Variants in B4GALT6 observed in about 807,000 individuals in gnomAD.
The protein encoded by B4GALT6 is beta-1,4-galactosyltransferase 6, also known as UDP-Gal:beta-GlcNAc beta-1,4-galactosyltransferase 6.
Under a neutral mutation model 46.3 loss-of-function variants are expected in B4GALT6, and 14 were observed. The observed-to-expected ratio is 0.30, with a 90% CI of 0.20 to 0.47. The LOEUF is 0.47. Among genes scored for constraint, B4GALT6 ranks in the 20% least tolerant of loss-of-function variants. The probability of loss-of-function intolerance (pLI) is 0.99; values close to 1 mark genes in which losing one functional copy is unlikely to be tolerated. For missense variants in B4GALT6, 386 were observed against 480.1 expected (o/e 0.80, Z 1.83); for synonymous variants, 168 against 162.0 (o/e 1.04, Z -0.28).
Position 31,666,239 on chromosome 18 carries a change from GC to G in B4GALT6, c.232+16del. Reference sequence around the variant, plus strand: ...CTGCTTTGTAACTACAAGGGGTTAAGCAGGAAGTAGTCTTACCTGTACCGTT... The same window carrying G: ...CTGCTTTGTAACTACAAGGGGTTAAGAGGAAGTAGTCTTACCTGTACCGTT... On this transcript the variant is annotated intron_variant, in intron 2 of 8. Transcript: ENST00000306851. 7.0e-7 allele frequency: 1 copy of G among 1,424,928 alleles called. No homozygotes were observed. Among genetic ancestry groups the G allele is most frequent in the South Asian group, 1.3e-5 (1 of 77,046 alleles). 88.3% of individuals were successfully genotyped at this position (1,424,928 alleles called of 1,614,324 possible). A position where few individuals can be genotyped will look rare whatever the true frequency, so the allele number is the denominator to read the frequency against.
At chr18:31,639,853 T>A (rs984778058) in intron 4 of B4GALT6, among the ~76,000 whole-genome samples, 1 of 152,198 alleles carries the variant, frequency 6.6e-6, no homozygotes, top group African/African-American at 2.4e-5. Flanking sequence ...AATAAATGAA[T>A]GATCATCAAT....
chr18:31,702,227 T>C, the B4GALT6 span, among the ~76,000 whole-genome samples: 1 of 152,240 alleles, frequency 6.6e-6, no homozygotes, highest in Non-Finnish European at 1.5e-5. Flanking sequence ...TGTCAGTACT[T>C]ATTAATGTTT....
intron 4 of B4GALT6, among the ~76,000 whole-genome samples, chr18:31,644,199 T>C (rs1330771129): frequency 6.6e-6 from 1 of 152,204 alleles, no homozygotes; most frequent in Non-Finnish European, 1.5e-5. Context: ...TTCAAGGCAA[T>C]AAGAAAGCTG....
Position 31,626,987 on chromosome 18 carries a change from ACCT to A in B4GALT6, c.899+9_899+11del. On this transcript the variant is annotated intron_variant, in intron 7 of 8. Transcript: ENST00000306851. ...AAAATTCTATTAGTGAACAATTTGT[ACCT>A]CAACATACCTGTTCCAAAGGTCATC... 5 of 1,598,008 alleles carry A rather than the reference ACCT, an allele frequency of 3.1e-6. No homozygotes were observed. The highest frequency in any genetic ancestry group is 4.3e-6 in the Non-Finnish European group (5 of 1,174,712).
the B4GALT6 span, among the ~76,000 whole-genome samples, chr18:31,698,697 A>T: frequency 2.0e-5 from 3 of 152,102 alleles, no homozygotes; most frequent in Non-Finnish European, 4.4e-5. Flanking sequence ...ATTGATGACC[A>T]CTAACCAGTA....
At chr18:31,684,851 C>G, upstream of B4GALT6, 9 of 837,906 alleles carry the variant, frequency 1.1e-5, no homozygotes, top group Non-Finnish European at 1.3e-5. Context: ...GCACGCCCGG[C>G]TCCGCTGCCC....
chr18:31,677,576 A>T (rs73954665), intron 1 of B4GALT6, among the ~76,000 whole-genome samples: 5 of 152,148 alleles, frequency 3.3e-5, no homozygotes, highest in Non-Finnish European at 7.4e-5. Flanking sequence ...CAGAAAACCT[A>T]CTCTCAATCT....
At chr18:31,714,238 C>A in the B4GALT6 span, among the ~76,000 whole-genome samples, 2 of 152,196 alleles carry the variant, frequency 1.3e-5, no homozygotes, top group Admixed American at 1.3e-4. Context: ...ATGGACGATA[C>A]AAAACATTTC....
At chr18:31,717,670 A>G in the B4GALT6 span, among the ~76,000 whole-genome samples, 1 of 152,126 alleles carries the variant, frequency 6.6e-6, no homozygotes, top group African/African-American at 2.4e-5. Context: ...AAAATATGAT[A>G]TTGGCGGGAT....
intron 3 of B4GALT6, 34 bp from the exon 4 acceptor site, chr18:31,645,513 A>C (rs1242056730): frequency 6.9e-6 from 11 of 1,595,146 alleles, no homozygotes; most frequent in Non-Finnish European, 9.4e-6. Flanking sequence ...TTGTTTTAAT[A>C]TTTTTTGCCT....
chr18:31,665,522 G>A (rs941923523), intron 2 of B4GALT6, among the ~76,000 whole-genome samples: 3 of 152,072 alleles, frequency 2.0e-5, no homozygotes, highest in African/African-American at 4.8e-5. Flanking sequence ...GGCGTATCAC[G>A]AGGTCAAGAG....
chr18:31,704,405 G>T, the B4GALT6 span, among the ~76,000 whole-genome samples: 1 of 151,806 alleles, frequency 6.6e-6, no homozygotes, highest in African/African-American at 2.4e-5. Context: ...TAGAGATGGG[G>T]TCTTACCAGG....
intron 1 of B4GALT6, among the ~76,000 whole-genome samples, chr18:31,676,989 T>C (rs1169608440): frequency 1.3e-5 from 2 of 152,232 alleles, no homozygotes; most frequent in Admixed American, 6.5e-5. Flanking sequence ...GTTTAACTTA[T>C]ATTAAATATA....
intron 4 of B4GALT6, among the ~76,000 whole-genome samples, chr18:31,641,771 T>G (rs369323653): frequency 8.5e-5 from 13 of 152,232 alleles, no homozygotes; most frequent in African/African-American, 3.1e-4. Flanking sequence ...GCTCCTACTT[T>G]AAAACCACAA....
At chr18:31,722,485 A>T in the B4GALT6 span, among the ~76,000 whole-genome samples, 2 of 152,218 alleles carry the variant, frequency 1.3e-5, no homozygotes, top group South Asian at 4.1e-4. Flanking sequence ...AAGGATGCAG[A>T]ATCCTGGGTG....
At chr18:31,699,079 CAA>C in the B4GALT6 span, among the ~76,000 whole-genome samples, 29 of 82,202 alleles carry the variant, frequency 3.5e-4, no homozygotes, top group Admixed American at 6.8e-4. Context: ...GACTCTGTCT[CAA>C]AAAAAAAAAA....
chr18:31,649,575 C>CAAAAAAAAAAAAAA (rs66578099), intron 3 of B4GALT6, among the ~76,000 whole-genome samples: 13 of 102,406 alleles, frequency 1.3e-4, no homozygotes, highest in Middle Eastern at 4.9e-3. Context: ...AAAAAATGAG[C>CAAAAAAAAAAAAAA]AAAAAAAAAA....
chr18:31,627,209 A>G, intron 6 of B4GALT6, 88 bp from the exon 7 acceptor site: 1 of 1,115,768 alleles, frequency 9.0e-7, no homozygotes, highest in Non-Finnish European at 1.3e-6. Context: ...TGTGCTTTGC[A>G]AAATATGCCC....
intron 2 of B4GALT6, among the ~76,000 whole-genome samples, chr18:31,664,106 C>T (rs1011351623): frequency 6.6e-6 from 1 of 152,126 alleles, no homozygotes; most frequent in East Asian, 1.9e-4. Flanking sequence ...AAAAGAGGTA[C>T]CTTATTTGTT....
Sources: allele counts gnomAD v4.1 joint callset (sites outside exome capture counted in the v4.1 genomes callset), GRCh38; gene constraint gnomAD v4.1.1; transcripts MANE v1.5; gene names NCBI Gene and HGNC (gene_info 2026-07-23, HGNC 2026-07-21).